GRIK3: variants seen among roughly 807,000 people sequenced by gnomAD.
GRIK3 encodes glutamate receptor ionotropic, kainate 3.
GRIK3 carries 29 observed loss-of-function variants against 102.5 expected under a neutral mutation model. That is an observed-to-expected ratio of 0.28 (90% CI 0.21 to 0.39). The LOEUF (loss-of-function observed/expected upper bound fraction) is 0.39, where lower values mean the gene tolerates loss of function less well. Among genes scored for constraint, GRIK3 ranks in the 10% least tolerant of loss-of-function variants. The pLI, the probability that GRIK3 is intolerant of heterozygous loss-of-function variation, is 1.00. For synonymous variants in GRIK3, 511 were observed against 504.9 expected (o/e 1.01, Z -0.16); for missense variants, 908 against 1,252.4 (o/e 0.73, Z 4.15).
At chr1:36,966,206 A>G (rs1443707245) in intron 1 of GRIK3, among the ~76,000 whole-genome samples, 7 of 152,190 alleles carry the variant, frequency 4.6e-5, no homozygotes, top group Admixed American at 3.9e-4. Flanking sequence ...GTTTGCCCCA[A>G]TCACCTCTCC....
intron 1 of GRIK3, among the ~76,000 whole-genome samples, chr1:36,996,406 G>A (rs1181189231): frequency 3.3e-5 from 5 of 152,208 alleles, no homozygotes; most frequent in African/African-American, 1.2e-4. Context: ...GCAATGGACA[G>A]ACCTTCCCTG....
intron 1 of GRIK3, among the ~76,000 whole-genome samples, chr1:36,930,729 G>A (rs1403803882): frequency 1.3e-5 from 2 of 152,214 alleles, no homozygotes; most frequent in African/African-American, 2.4e-5. Context: ...GGGTATGGGG[G>A]AAATATTACG....
chr1:36,901,281 T>C (rs1334122016), intron 1 of GRIK3, among the ~76,000 whole-genome samples: 1 of 152,144 alleles, frequency 6.6e-6, no homozygotes, highest in Non-Finnish European at 1.5e-5. Flanking sequence ...ACAGAAATCC[T>C]CAACAAAAAG....
At chr1:36,805,788 T>C (rs982671070) in intron 14 of GRIK3, among the ~76,000 whole-genome samples, 4 of 150,874 alleles carry the variant, frequency 2.7e-5, no homozygotes, top group African/African-American at 7.3e-5. Context: ...AATACAAAAC[T>C]AGCCAGGCAT....
Position 37,010,048 on chromosome 1 carries a change from C to T in GRIK3, c.115+23946G>A, listed in dbSNP as rs954297223. On this transcript the variant is annotated intron_variant, in intron 1 of 15. Coordinates refer to ENST00000373091, the MANE Select transcript of GRIK3 (RefSeq NM_000831.4). ...AGAGAGGCCAGCTCTGCTGTATTTA[C>T]CGACATCTTTGGGGGTGGCTGGGTT... Among the ~76,000 whole-genome samples the T allele has an allele frequency of 3.9e-5, 6 of 152,164 alleles. No individual in the cohort carries two copies. The South Asian group carries it at 6.2e-4, about 16-fold the overall frequency.
At chr1:36,932,334 A>G (rs1480697368) in intron 1 of GRIK3, among the ~76,000 whole-genome samples, 1 of 152,160 alleles carries the variant, frequency 6.6e-6, no homozygotes, top group Non-Finnish European at 1.5e-5. Context: ...AACCTGGTGA[A>G]TGCCACTCCC....
chr1:36,819,980 G>T lies in GRIK3; in HGVS notation c.1755-126C>A. On this transcript the variant is annotated intron_variant, in intron 11 of 15. Coordinates refer to ENST00000373091, the MANE Select transcript of GRIK3 (RefSeq NM_000831.4). This position sits in a 1 kb window ranked among gnomAD's most constrained non-coding sequence, Gnocchi z 4.1. ...GTCAATATCCTCATGGTTCTGCTGG[G>T]AGGCAGGGCAGGGGAATTTCTTCTT... 1 of 620,786 alleles carries T rather than the reference G, an allele frequency of 1.6e-6. No individual in the cohort carries two copies. 38.5% of individuals were successfully genotyped at this position (620,786 alleles called of 1,614,324 possible). A position where few individuals can be genotyped will look rare whatever the true frequency, so the allele number is the denominator to read the frequency against.
chr1:36,998,283 C>T (rs776372384), intron 1 of GRIK3, among the ~76,000 whole-genome samples: 5 of 152,182 alleles, frequency 3.3e-5, no homozygotes, highest in Admixed American at 2.0e-4. Flanking sequence ...TGGCTCTTCC[C>T]GTCAGGTTAA....
chr1:36,941,944 C>T lies in GRIK3; in HGVS notation c.116-50848G>A, dbSNP rs557954998. 3.3e-5 allele frequency among the ~76,000 whole-genome samples: 5 copies of T among 152,314 alleles called. No homozygotes were observed. In the East Asian group the frequency reaches 9.6e-4, roughly 29 times the overall value. Reference sequence around the variant, plus strand: ...CCCCCCTCACCCTGCCTGTTTCCACCTTGCAGATGCAGGAATAGAGGCTAA... The same window carrying T: ...CCCCCCTCACCCTGCCTGTTTCCACTTTGCAGATGCAGGAATAGAGGCTAA... On this transcript the variant is annotated intron_variant, in intron 1 of 15. Coordinates refer to ENST00000373091, the MANE Select transcript of GRIK3 (RefSeq NM_000831.4).
chr1:36,915,047 C>T (rs72917551), intron 1 of GRIK3, among the ~76,000 whole-genome samples: 1,703 of 152,318 alleles, frequency 0.011, 25 homozygotes, highest in African/African-American at 0.038. Context: ...GAATTCTGAG[C>T]GACCTTGTCC....
intron 3 of GRIK3, among the ~76,000 whole-genome samples, chr1:36,878,548 G>A (rs988784774): frequency 6.6e-6 from 1 of 152,256 alleles, no homozygotes; most frequent in Non-Finnish European, 1.5e-5. Context: ...GGATGCAGCA[G>A]CTCTTGACAT....
chr1:36,950,373 G>C (rs1215370797), intron 1 of GRIK3, among the ~76,000 whole-genome samples: 2 of 152,170 alleles, frequency 1.3e-5, no homozygotes, highest in Non-Finnish European at 2.9e-5. Context: ...TTAGTATTTT[G>C]GTAGAGGTCT....
chr1:36,982,675 T>A (rs1351506918), intron 1 of GRIK3, among the ~76,000 whole-genome samples: 1 of 152,124 alleles, frequency 6.6e-6, no homozygotes, highest in Non-Finnish European at 1.5e-5. Context: ...GTCAAGTCAC[T>A]GGCCTTTCCA....
rs201498855 is a variant in GRIK3 at position 36,841,928 on chromosome 1, G to A, written c.1338C>T (p.Phe446=). ...TCCTGTCTGATTTCCGAAACATGAC[G>A]AAGGGCTCCTCCTGCAGAGACAGAT... The part of the protein sequence containing the change: ...LIVTTVLEEP[F]VMFRKSDRTL... Residue 446 remains phenylalanine (F), a synonymous_variant, in exon 10 of 16, where the codon TTC becomes TTT. Transcript: ENST00000373091. The A allele has an allele frequency of 4.6e-5, 74 of 1,614,044 alleles. No individual in the cohort carries two copies. The highest frequency in any genetic ancestry group is 1.1e-4 in the African/African-American group (8 of 75,052).
chr1:36,860,012 G>A lies in GRIK3; in HGVS notation c.792C>T (p.Leu264=), dbSNP rs1386020515. Residue 264 remains leucine (L), a synonymous_variant, in exon 6 of 16, where the codon CTC becomes CTT. Transcript: ENST00000373091. The part of the protein sequence containing the change: ...YYHFIFTTLD[L]YALDLEPYRY... ...GGTAGGGCTCCAGGTCTAAAGCGTA[G>A]AGATCCTGGATAGAGAGAGGTCTGT... 1.3e-6 allele frequency: 2 copies of A among 1,589,452 alleles called. No homozygotes were observed. The highest frequency in any genetic ancestry group is 1.7e-5 in the Admixed American group (1 of 57,264).
chr1:36,994,380 A>G (rs1642394092), intron 1 of GRIK3, among the ~76,000 whole-genome samples: 1 of 152,254 alleles, frequency 6.6e-6, no homozygotes, highest in Non-Finnish European at 1.5e-5. Context: ...ATTCCCATTT[A>G]TCAAACAATT....
At chr1:36,931,627 C>T (rs925295496) in intron 1 of GRIK3, among the ~76,000 whole-genome samples, 1 of 152,210 alleles carries the variant, frequency 6.6e-6, no homozygotes, top group Admixed American at 6.5e-5. Flanking sequence ...TGATTGTTCT[C>T]GCCTCAGTAG....
intron 1 of GRIK3, among the ~76,000 whole-genome samples, chr1:37,026,501 T>C (rs1642765726): frequency 6.6e-6 from 1 of 152,204 alleles, no homozygotes; most frequent in Admixed American, 6.5e-5. Flanking sequence ...GGCCCCACCC[T>C]TGGGGAACTC....
rs770637461 is a variant in GRIK3 at position 36,927,172 on chromosome 1, C to T, written c.116-36076G>A. Among the ~76,000 whole-genome samples, 74 of 152,300 alleles carry T rather than the reference C, an allele frequency of 4.9e-4. 1 individual carries two copies. The highest frequency in any genetic ancestry group is 2.5e-3 in the Admixed American group (39 of 15,308). ...AGGCTCCAGGGGAGACAGAGACCCT[C>T]GTTCAAGAGCTCTAACAGTCATGCA... On this transcript the variant is annotated intron_variant, in intron 1 of 15. Transcript: ENST00000373091.
Sources: allele counts gnomAD v4.1 joint callset (sites outside exome capture counted in the v4.1 genomes callset), GRCh38; gene constraint gnomAD v4.1.1; non-coding constraint Gnocchi (gnomAD v3.1); transcripts MANE v1.5; gene names NCBI Gene and HGNC (gene_info 2026-07-23, HGNC 2026-07-21).